The following OR14A2 variants were observed in gnomAD, a reference collection of about 807,000 sequenced individuals.
The protein encoded by OR14A2 is olfactory receptor family 14 subfamily A member 2.
For missense variants in OR14A2, 237 were observed against 152.9 expected (o/e 1.55, Z -2.90); for synonymous variants, 114 against 58.6 (o/e 1.95, Z -4.32).
chr1:247,728,889 C>G (rs1660451740), upstream of OR14A2, among the ~76,000 whole-genome samples: 1 of 151,956 alleles, frequency 6.6e-6, no homozygotes, highest in Non-Finnish European at 1.5e-5. Context: ...AGTTGATTAC[C>G]TGAAATTAAA....
upstream of OR14A2, among the ~76,000 whole-genome samples, chr1:247,728,835 C>G (rs995178427): frequency 2.0e-5 from 3 of 152,060 alleles, no homozygotes; most frequent in African/African-American, 7.2e-5. Context: ...CACATCTACA[C>G]AAGGGTAGAA....
the OR14A2 span, among the ~76,000 whole-genome samples, chr1:247,731,550 A>G: frequency 2.0e-5 from 3 of 151,872 alleles, no homozygotes; most frequent in African/African-American, 7.3e-5. Flanking sequence ...TTATATCTAT[A>G]ATTATTTTTT....
upstream of OR14A2, among the ~76,000 whole-genome samples, chr1:247,728,292 C>A (rs528663902): frequency 2.0e-5 from 3 of 152,156 alleles, no homozygotes; most frequent in South Asian, 6.2e-4. Flanking sequence ...TAAATGTAAT[C>A]CAGCATATAA....
At chr1:247,730,282 T>G in the OR14A2 span, among the ~76,000 whole-genome samples, 11 of 152,018 alleles carry the variant, frequency 7.2e-5, no homozygotes, top group African/African-American at 2.7e-4. Context: ...CAAATCCAGT[T>G]GATTCAAACA....
chr1:247,724,047 A>G, upstream of OR14A2: 2 of 698,960 alleles, frequency 2.9e-6, no homozygotes, highest in Non-Finnish European at 2.6e-6. Flanking sequence ...TGGCCATACT[A>G]GATTCTCTTC....
At chr1:247,741,956 C>T in the OR14A2 span, among the ~76,000 whole-genome samples, 4 of 152,078 alleles carry the variant, frequency 2.6e-5, no homozygotes, top group Non-Finnish European at 4.4e-5. Context: ...GCCTTGTTTT[C>T]CAAAATTTTA....
chr1:247,727,853 C>G (rs1471228035), upstream of OR14A2, among the ~76,000 whole-genome samples: 2 of 147,714 alleles, frequency 1.4e-5, no homozygotes, highest in African/African-American at 2.6e-5. Context: ...GACACATACA[C>G]TCTCCCAAGA....
At chr1:247,745,618 G>A in the OR14A2 span, among the ~76,000 whole-genome samples, 8 of 151,928 alleles carry the variant, frequency 5.3e-5, no homozygotes, top group Admixed American at 5.2e-4. Context: ...TATTTAAGAA[G>A]CATGAGACCT....
chr1:247,733,765 T>C, the OR14A2 span, among the ~76,000 whole-genome samples: 2 of 152,160 alleles, frequency 1.3e-5, no homozygotes, highest in Non-Finnish European at 2.9e-5. Context: ...ATTCTGTAGA[T>C]CTGGATCAAA....
chr1:247,736,780 C>T, the OR14A2 span, among the ~76,000 whole-genome samples: 11 of 152,216 alleles, frequency 7.2e-5, no homozygotes, highest in South Asian at 4.1e-4. Context: ...TATTCCCCAG[C>T]AGGTCAAACA....
chr1:247,734,217 G>A, the OR14A2 span, among the ~76,000 whole-genome samples: 3 of 152,052 alleles, frequency 2.0e-5, no homozygotes, highest in East Asian at 1.9e-4. Context: ...ATTAGGGCAC[G>A]CAGAGACCCT....
chr1:247,730,727 A>G, the OR14A2 span, among the ~76,000 whole-genome samples: 1 of 152,216 alleles, frequency 6.6e-6, no homozygotes, highest in East Asian at 1.9e-4. Flanking sequence ...ATAAAAAAAT[A>G]TATATATTTG....
the OR14A2 span, among the ~76,000 whole-genome samples, chr1:247,736,934 A>T: frequency 6.6e-6 from 1 of 152,176 alleles, no homozygotes; most frequent in Non-Finnish European, 1.5e-5. Flanking sequence ...CCATTTGCTC[A>T]TGAGTCTTTT....
At chr1:247,724,006 A>G (rs556167675) in exon 1 of OR14A2, 8 of 715,052 alleles carry the variant, frequency 1.1e-5, no homozygotes, top group South Asian at 3.0e-5. Context: ...AGAAAACCCC[A>G]TAAGAAGAAA....
At chr1:247,740,465 T>A in the OR14A2 span, among the ~76,000 whole-genome samples, 31 of 152,200 alleles carry the variant, frequency 2.0e-4, no homozygotes, top group Admixed American at 2.0e-3. Flanking sequence ...AGGAAGGTGA[T>A]TTTCTCATGT....
upstream of OR14A2, among the ~76,000 whole-genome samples, chr1:247,727,442 A>G (rs1182231691): frequency 1.3e-5 from 2 of 152,140 alleles, no homozygotes; most frequent in Non-Finnish European, 1.5e-5. Context: ...GGCTGAGACA[A>G]TGGGGTTAAT....
the OR14A2 span, among the ~76,000 whole-genome samples, chr1:247,734,647 CT>C: frequency 6.6e-6 from 1 of 152,140 alleles, no homozygotes. Context: ...GATTCAGTCC[CT>C]GTCAAAATCC....
chr1:247,728,304 C>G (rs1372411467), upstream of OR14A2, among the ~76,000 whole-genome samples: 1 of 152,052 alleles, frequency 6.6e-6, no homozygotes, highest in Admixed American at 6.6e-5. Flanking sequence ...AGCATATAAA[C>G]AGAGCCAAAG....
chr1:247,738,156 T>C, the OR14A2 span, among the ~76,000 whole-genome samples: 5 of 152,180 alleles, frequency 3.3e-5, no homozygotes, highest in East Asian at 5.8e-4. Context: ...GAGTATCACC[T>C]GAGGATAATG....
Sources: gnomAD v4.1 joint callset for allele counts (sites outside exome capture counted in the v4.1 genomes callset) on GRCh38, gnomAD v4.1.1 for gene constraint, MANE v1.5 for transcripts, NCBI Gene and HGNC (gene_info 2026-07-23, HGNC 2026-07-21) for gene names.